Variants in ATM observed in about 807,000 individuals in gnomAD.
ATM encodes serine-protein kinase ATM.
A neutral mutation model predicts 387.0 loss-of-function variants in ATM; 308 were observed. The observed-to-expected ratio is 0.80, with a 90% confidence interval of 0.73 to 0.87. ATM has a LOEUF of 0.87. Among genes scored for constraint, ATM ranks in the 40% least tolerant of loss-of-function variants. The pLI, the probability that ATM is intolerant of heterozygous loss-of-function variation, is 0.00. For missense variants in ATM, 3,312 were observed against 3,560.9 expected (o/e 0.93, Z 1.78); for synonymous variants, 1,156 against 1,187.3 (o/e 0.97, Z 0.54).
intron 24 of ATM, among the ~76,000 whole-genome samples, chr11:108,281,437 G>A (rs2082227953): frequency 6.6e-6 from 1 of 152,156 alleles, no homozygotes; most frequent in African/African-American, 2.4e-5. Context: ...AGACTGACCA[G>A]GCTTTTGGAA....
intron 59 of ATM, among the ~76,000 whole-genome samples, chr11:108,348,243 T>C (rs1164285689): frequency 1.3e-5 from 2 of 151,612 alleles, no homozygotes; most frequent in Non-Finnish European, 2.9e-5. Context: ...GACAGTTTAA[T>C]ATAAAAGAAA....
intron 45 of ATM, among the ~76,000 whole-genome samples, chr11:108,323,467 A>G (rs1391030599): frequency 6.6e-6 from 1 of 152,118 alleles, no homozygotes; most frequent in Non-Finnish European, 1.5e-5. Flanking sequence ...AATAGAAGAA[A>G]TAAGATCTAG....
chr11:108,255,469 A>G (rs1389902525), intron 13 of ATM, among the ~76,000 whole-genome samples: 1 of 128,852 alleles, frequency 7.8e-6, no homozygotes, highest in East Asian at 2.3e-4. Context: ...TCTGTTGCCC[A>G]GGCTGGAGTG....
intron 29 of ATM, among the ~76,000 whole-genome samples, chr11:108,291,253 A>C (rs2082781143): frequency 1.3e-5 from 2 of 152,180 alleles, no homozygotes; most frequent in African/African-American, 4.8e-5. Flanking sequence ...GAAAGAAAAA[A>C]CAAAAACAAA....
intron 16 of ATM, among the ~76,000 whole-genome samples, chr11:108,262,522 C>T (rs1304242887): frequency 1.3e-5 from 2 of 152,210 alleles, no homozygotes; most frequent in African/African-American, 2.4e-5. Flanking sequence ...CCAGCCGCTG[C>T]AAAATCATGC....
chr11:108,241,746 T>C (rs1433550481), intron 5 of ATM, among the ~76,000 whole-genome samples: 4 of 130,606 alleles, frequency 3.1e-5, no homozygotes, highest in Non-Finnish European at 4.9e-5. Flanking sequence ...TTCTTTCTTT[T>C]TTTTTTTTTT....
intron 27 of ATM, 25 bp from the exon 28 acceptor site, chr11:108,288,952 G>C (rs368881313): frequency 2.5e-6 from 4 of 1,613,240 alleles, no homozygotes; most frequent in Non-Finnish European, 2.5e-6. Context: ...AACGATGACT[G>C]TATTTTTTCC....
intron 1 of ATM, chr11:108,226,791 C>T (rs1437942874): frequency 6.6e-6 from 1 of 152,198 alleles, no homozygotes; most frequent in East Asian, 1.9e-4. Context: ...ACTGCAACCT[C>T]TGCCTCCTGG....
At chr11:108,285,000 C>T (rs2082419419) in intron 26 of ATM, among the ~76,000 whole-genome samples, 1 of 152,090 alleles carries the variant, frequency 6.6e-6, no homozygotes, top group African/African-American at 2.4e-5. Flanking sequence ...TACTCTTTTG[C>T]CAAGACTGGA....
chr11:108,306,066 G>T (rs1415360578), intron 37 of ATM, among the ~76,000 whole-genome samples: 2 of 151,988 alleles, frequency 1.3e-5, no homozygotes, highest in Admixed American at 6.6e-5. Flanking sequence ...TCTTCCAATT[G>T]TTTCTTTTAG....
rs587781304 is a variant in ATM at position 108,254,023 on chromosome 11, A to G, written c.2108A>G (p.Asn703Ser). The G allele has an allele frequency of 6.2e-7, 1 of 1,613,704 alleles. No homozygotes were observed. ...CLLGLSEQLLNNYSSEITNSE... is the reference protein window; with the variant it reads ...CLLGLSEQLLSNYSSEITNSE... Reference sequence around the variant, plus strand: ...CTGGGATTATCAGAACAGCTTCTGAATAATTACTCATCTGAGGTGAGATTT... The same window carrying G: ...CTGGGATTATCAGAACAGCTTCTGAGTAATTACTCATCTGAGGTGAGATTT... The change falls in exon 13 of 63, where the codon AAT becomes AGT. Residue 703 changes from asparagine to serine, a missense_variant. Physicochemically the swap from Asn to Ser is conservative, Grantham distance 46. Coordinates refer to ENST00000675843, the MANE Select transcript of ATM (RefSeq NM_000051.4).
At chr11:108,275,275 C>T (rs1591618533) in intron 22 of ATM, among the ~76,000 whole-genome samples, 1 of 152,218 alleles carries the variant, frequency 6.6e-6, no homozygotes, top group South Asian at 2.1e-4. Flanking sequence ...AGATGGGTCC[C>T]CTGAATACAG....
At chr11:108,243,596 G>C (rs1475437574) in intron 5 of ATM, among the ~76,000 whole-genome samples, 1 of 152,108 alleles carries the variant, frequency 6.6e-6, no homozygotes, top group African/African-American at 2.4e-5. Flanking sequence ...CTGGACGACA[G>C]AGCAAGATTC....
rs1353999243 is a variant in ATM at position 108,366,222 on chromosome 11, G to A, written c.*714G>A. ...TTTTAAGCCCTTCTGTACTGTCCAT[G>A]TATGTTATCTTTCTGTGATAACTTC... On this transcript the variant is annotated 3_prime_UTR_variant, in exon 63 of 63. Transcript: ENST00000675843. The A allele has an allele frequency of 5.1e-6, 1 of 195,316 alleles. No individual in the cohort carries two copies. Among genetic ancestry groups the A allele is most frequent in the Non-Finnish European group, 1.1e-5 (1 of 94,018 alleles). The allele number at this position is 195,316 out of a possible 1,614,324, so 12.1% of individuals were successfully genotyped here.
rs1555110490 is a variant in ATM, at chr11:108,310,286, T to C, written c.5889T>C (p.Asp1963=). ...TALLYAEIYA[D]KKSMDDQEKR... The stretch of plus-strand genomic sequence containing the variant: ...TACTCTATGCAGAAATCTATGCAGA[T>C]AAGAAAAGTATGGATGATCAAGAGA... The change falls in exon 39 of 63, where the codon GAT becomes GAC. Residue 1963 remains aspartate, a synonymous_variant. Transcript: ENST00000675843. 3 of 1,613,478 alleles carry C rather than the reference T, an allele frequency of 1.9e-6. No individual in the cohort carries two copies. Among genetic ancestry groups the C allele is most frequent in the South Asian group, 1.1e-5 (1 of 91,072 alleles).
rs563140198 is a variant in ATM, at chr11:108,273,331, C to CTTTTTTTTTTTTTTTTT, written c.3284+490_3284+506dup. ...GGAATAAACATATATTAATTTCATTCTTTTTTTTTTTTTTTTTTTTTTTTT... is the reference window on the plus strand; with the variant it reads ...GGAATAAACATATATTAATTTCATTCTTTTTTTTTTTTTTTTTTTTTTTTTTTTTTTTTTTTTTTTTT... On this transcript the variant is annotated intron_variant, in intron 22 of 62. Coordinates refer to ENST00000675843, the MANE Select transcript of ATM (RefSeq NM_000051.4). Among the ~76,000 whole-genome samples the CTTTTTTTTTTTTTTTTT allele has an allele frequency of 5.8e-4, 47 of 80,662 alleles. 5 individuals carry two copies. Among genetic ancestry groups the CTTTTTTTTTTTTTTTTT allele is most frequent in the African/African-American group, 2.6e-3 (45 of 17,520 alleles). 52.9% of individuals were successfully genotyped at this position (80,662 alleles called of 152,430 possible). A position where few individuals can be genotyped will look rare whatever the true frequency, so the allele number is the denominator to read the frequency against.
At position 108,252,039 on chromosome 11, in the gene ATM, A is replaced by G. The variant is rs766706104; in HGVS notation, c.1802+8A>G. On this transcript the variant is annotated splice_region_variant and intron_variant, in intron 11 of 62. Coordinates refer to ENST00000675843, the MANE Select transcript of ATM (RefSeq NM_000051.4). ...GCCTCCAATTCTTCACAGGTAATTTAAGTTCATTAGCATGCTGCTGTTTTT... is the reference window on the plus strand; with the variant it reads ...GCCTCCAATTCTTCACAGGTAATTTGAGTTCATTAGCATGCTGCTGTTTTT... 6.2e-7 allele frequency: 1 copy of G among 1,609,806 alleles called. No homozygotes were observed. The highest frequency in any genetic ancestry group is 8.5e-7 in the Non-Finnish European group (1 of 1,178,568).
chr11:108,336,903 A>G (rs745798623), intron 56 of ATM, among the ~76,000 whole-genome samples: 1 of 152,052 alleles, frequency 6.6e-6, no homozygotes, highest in African/African-American at 2.4e-5. Flanking sequence ...TGAAGGGCCT[A>G]TTTTCCATAG....
At chr11:108,235,552 A>G (rs965670158) in intron 4 of ATM, 118 bp from the exon 5 acceptor site, 10 of 1,003,246 alleles carry the variant, frequency 1.0e-5, no homozygotes, top group African/African-American at 6.6e-5. Context: ...TTTCTTCTCT[A>G]CAAAAGAAGT....
Sources: allele counts gnomAD v4.1 joint callset (sites outside exome capture counted in the v4.1 genomes callset), GRCh38; gene constraint gnomAD v4.1.1; transcripts MANE v1.5; gene names NCBI Gene and HGNC (gene_info 2026-07-23, HGNC 2026-07-21).